Variants in RPAP2 observed in about 807,000 individuals in gnomAD.
The protein encoded by RPAP2 is putative RNA polymerase II subunit B1 CTD phosphatase RPAP2.
RPAP2 carries 52 observed loss-of-function variants against 73.1 expected under a neutral mutation model. That is an observed-to-expected ratio of 0.71 (90% CI 0.57 to 0.90). The LOEUF (loss-of-function observed/expected upper bound fraction) is 0.90, where lower values mean the gene tolerates loss of function less well. Ranked by LOEUF, RPAP2 falls within the 40% of genes least tolerant of loss-of-function variation. The probability of loss-of-function intolerance (pLI) is 0.00; values close to 1 mark genes in which losing one functional copy is unlikely to be tolerated. For missense variants in RPAP2, 598 were observed against 701.8 expected (o/e 0.85, Z 1.67); for synonymous variants, 225 against 242.1 (o/e 0.93, Z 0.65).
At chr1:92,303,055 A>C (rs1557586966) in intron 3 of RPAP2, among the ~76,000 whole-genome samples, 2 of 152,190 alleles carry the variant, frequency 1.3e-5, no homozygotes, top group Non-Finnish European at 2.9e-5. Context: ...AGAATAAAAA[A>C]ATTTTGAAAC....
chr1:92,345,519 TTATGAG>T (rs1353934474), intron 10 of RPAP2, among the ~76,000 whole-genome samples: 2 of 151,214 alleles, frequency 1.3e-5, no homozygotes, highest in Non-Finnish European at 2.9e-5. Flanking sequence ...ATAGAGAATA[TTATGAG>T]TATGTTTGTT....
intron 6 of RPAP2, 31 bp from the exon 7 acceptor site, chr1:92,320,568 C>T (rs773534433): frequency 5.6e-6 from 9 of 1,604,968 alleles, no homozygotes; most frequent in Non-Finnish European, 5.1e-6. Flanking sequence ...CCGCACCCGG[C>T]CTAATTTTTA....
chr1:92,381,153 G>A (rs1219870727), intron 12 of RPAP2, among the ~76,000 whole-genome samples: 1 of 152,116 alleles, frequency 6.6e-6, no homozygotes, highest in Non-Finnish European at 1.5e-5. Context: ...ATACTCAAGT[G>A]TAGGCTATCC....
Position 92,302,590 on chromosome 1 carries a change from A to ATTTTTTTTT in RPAP2, c.234+1021_234+1029dup, listed in dbSNP as rs36067595. Among the ~76,000 whole-genome samples the ATTTTTTTTT allele has an allele frequency of 3.2e-3, 240 of 74,338 alleles. 25 individuals carry two copies. The highest frequency in any genetic ancestry group is 6.4e-3 in the South Asian group (10 of 1,552). The allele number at this position is 74,338 out of a possible 152,430, so 48.8% of individuals were successfully genotyped here. On this transcript the variant is annotated intron_variant, in intron 3 of 12. Coordinates refer to ENST00000610020, the MANE Select transcript of RPAP2 (RefSeq NM_024813.3). ...ACGGGAGAATTAAATTCCGCATTAA[A>ATTTTTTTTT]TTTTTTTTTTTTTTTTTTTTTTTTT...
chr1:92,376,565 CAA>C (rs1655394903), intron 11 of RPAP2, among the ~76,000 whole-genome samples: 1 of 152,182 alleles, frequency 6.6e-6, no homozygotes, highest in East Asian at 1.9e-4. Context: ...CTCTAGGCCC[CAA>C]GTTGATATTC....
chr1:92,303,873 A>G, intron 3 of RPAP2, 104 bp from the exon 4 acceptor site: 1 of 676,714 alleles, frequency 1.5e-6, no homozygotes, highest in Non-Finnish European at 2.4e-6. Context: ...GGAAGGTACT[A>G]TTGCTATCCC....
At chr1:92,349,205 GCTTATAAGT>G (rs1458596339) in intron 11 of RPAP2, among the ~76,000 whole-genome samples, 2 of 152,252 alleles carry the variant, frequency 1.3e-5, no homozygotes, top group African/African-American at 4.8e-5. Flanking sequence ...AAAACAAACT[GCTTATAAGT>G]CTTTATAGCT....
Position 92,323,220 on chromosome 1 carries a change from G to C in RPAP2, c.525-225G>C, listed in dbSNP as rs376798828. On this transcript the variant is annotated intron_variant, in intron 7 of 12. Transcript: ENST00000610020. ...AAAAGATGAAGGAAGAATACAGAAG[G>C]AGAACTATATCAAAAAATATATTAT... Among the ~76,000 whole-genome samples the C allele has an allele frequency of 5.3e-5, 8 of 151,306 alleles. No homozygotes were observed. The East Asian group carries it at 9.7e-4, about 18-fold the overall frequency.
At chr1:92,367,280 C>G (rs2101407440) in intron 11 of RPAP2, among the ~76,000 whole-genome samples, 1 of 152,298 alleles carries the variant, frequency 6.6e-6, no homozygotes, top group East Asian at 1.9e-4. Flanking sequence ...GCTGTTAAAC[C>G]TCTTCTTTTA....
chr1:92,361,837 T>G (rs1654748275), intron 11 of RPAP2, among the ~76,000 whole-genome samples: 1 of 135,930 alleles, frequency 7.4e-6, no homozygotes, highest in South Asian at 2.2e-4. Flanking sequence ...TTATCTTCCA[T>G]GGACGTAACT....
intron 11 of RPAP2, 66 bp from the exon 12 acceptor site, chr1:92,380,658 G>T: frequency 8.8e-7 from 1 of 1,137,906 alleles, no homozygotes. Context: ...CTGCCATGTT[G>T]AAGATAGGAG....
chr1:92,313,059 G>T (rs1432192423), intron 6 of RPAP2, among the ~76,000 whole-genome samples: 2 of 152,116 alleles, frequency 1.3e-5, no homozygotes, highest in African/African-American at 4.8e-5. Flanking sequence ...AGAGATGGGG[G>T]TTTTGCCATG....
chr1:92,375,102 T>C (rs1557631106), intron 11 of RPAP2, among the ~76,000 whole-genome samples: 1 of 152,164 alleles, frequency 6.6e-6, no homozygotes, highest in Admixed American at 6.5e-5. Flanking sequence ...TGAATGTAAA[T>C]TACTTTGGAA....
rs1248177063 is a variant in RPAP2 at position 92,380,776 on chromosome 1, A to T, written c.1741A>T (p.Thr581Ser). ...QKHSQEGMVF[T>S]RFLDTLLEEL... ...ACATTCTCAGGAAGGTATGGTGTTTACACGGTTTCTAGACACCCTCCTTGA... is the reference window on the plus strand; with the variant it reads ...ACATTCTCAGGAAGGTATGGTGTTTTCACGGTTTCTAGACACCCTCCTTGA... The change falls in exon 12 of 13, where the codon ACA becomes TCA. Residue 581 changes from threonine (T) to serine (S), a missense_variant. Thr to Ser is a moderately conservative substitution (Grantham distance 58, BLOSUM62 1). Around this residue, in one of 3 missense-constraint regions of RPAP2, gnomAD observed 506 missense variants for 612.8 expected, o/e 0.83. Transcript: ENST00000610020. 1 of 1,606,190 alleles carries T rather than the reference A, an allele frequency of 6.2e-7. No homozygotes were observed.
chr1:92,303,839 C>CT (rs1261364908), intron 3 of RPAP2, 138 bp from the exon 4 acceptor site: 1 of 498,876 alleles, frequency 2.0e-6, no homozygotes, highest in Non-Finnish European at 3.4e-6. Context: ...ATTTTCTCCT[C>CT]TAATTCTAAC....
chr1:92,330,109 A>C (rs1003375981), intron 8 of RPAP2, among the ~76,000 whole-genome samples: 28 of 152,218 alleles, frequency 1.8e-4, no homozygotes, highest in African/African-American at 6.3e-4. Context: ...TGCACCGTCC[A>C]GTTTCTTATT....
At chr1:92,378,340 G>C (rs1308918985) in intron 11 of RPAP2, among the ~76,000 whole-genome samples, 6 of 152,032 alleles carry the variant, frequency 3.9e-5, no homozygotes, top group Non-Finnish European at 7.4e-5. Context: ...GAGTAGCTAG[G>C]ATTACAGGTG....
At chr1:92,346,158 A>G (rs1378245647) in intron 11 of RPAP2, among the ~76,000 whole-genome samples, 3 of 146,856 alleles carry the variant, frequency 2.0e-5, no homozygotes, top group African/African-American at 7.6e-5. Context: ...ATTTGTTTTC[A>G]TCTCTTTTTT....
At chr1:92,301,330 G>T in intron 2 of RPAP2, 146 bp from the exon 3 acceptor site, 2 of 334,906 alleles carry the variant, frequency 6.0e-6, no homozygotes, top group South Asian at 7.1e-5. Flanking sequence ...CAATTAAAAA[G>T]AAATAAATAT....
Sources: allele counts gnomAD v4.1 joint callset (sites outside exome capture counted in the v4.1 genomes callset), GRCh38; gene constraint gnomAD v4.1.1; regional missense constraint gnomAD v4.1.1; transcripts MANE v1.5; gene names NCBI Gene and HGNC (gene_info 2026-07-23, HGNC 2026-07-21).